LIMK2: variants seen among roughly 807,000 people sequenced by gnomAD.
LIMK2 encodes LIM domain kinase 2.
A neutral mutation model predicts 75.7 loss-of-function variants in LIMK2; 35 were observed. The observed-to-expected ratio is 0.46, with a 90% CI of 0.35 to 0.61. The LOEUF is 0.61. LIMK2 is among the 20% of genes least tolerant of loss of function. The pLI is 0.00. For missense variants in LIMK2, 623 were observed against 831.0 expected (o/e 0.75, Z 3.08); for synonymous variants, 301 against 319.2 (o/e 0.94, Z 0.61).
intron 2 of LIMK2, among the ~76,000 whole-genome samples, chr22:31,246,127 C>T (rs560196413): frequency 2.6e-5 from 4 of 151,104 alleles, no homozygotes; most frequent in African/African-American, 4.9e-5. Context: ...GAGCCAAGAT[C>T]GCGACACTAC....
chr22:31,212,475 T>C lies in LIMK2; in HGVS notation c.16+51T>C, dbSNP rs2048355102. 4 of 1,313,846 alleles carry C rather than the reference T, an allele frequency of 3.0e-6. No individual in the cohort carries two copies. In the Middle Eastern group the frequency reaches 8.1e-4, roughly 267 times the overall value. The allele number at this position is 1,313,846 out of a possible 1,614,324, so 81.4% of individuals were successfully genotyped here. On this transcript the variant is annotated intron_variant, in intron 1 of 15. Coordinates refer to ENST00000331728, the MANE Select transcript of LIMK2 (RefSeq NM_005569.4). ...CCCGCTGTTATCTCCGAAGTCCGGTTCCATGGCGCCTGAGGGAAACCGGCT... is the reference window on the plus strand; with the variant it reads ...CCCGCTGTTATCTCCGAAGTCCGGTCCCATGGCGCCTGAGGGAAACCGGCT...
At chr22:31,263,206 C>T (rs2048858406) in intron 7 of LIMK2, among the ~76,000 whole-genome samples, 1 of 152,070 alleles carries the variant, frequency 6.6e-6, no homozygotes, top group African/African-American at 2.4e-5. Flanking sequence ...ACTTGAGGGA[C>T]CAACAACCCC....
At chr22:31,245,918 A>G (rs928144200) in intron 2 of LIMK2, among the ~76,000 whole-genome samples, 28 of 152,128 alleles carry the variant, frequency 1.8e-4, no homozygotes, top group South Asian at 8.3e-4. Context: ...CACACCTATA[A>G]TCTCAGCACT....
intron 2 of LIMK2, among the ~76,000 whole-genome samples, chr22:31,234,481 G>T (rs1330001386): frequency 6.6e-6 from 1 of 151,394 alleles, no homozygotes; most frequent in Non-Finnish European, 1.5e-5. Flanking sequence ...TCAGCACTTT[G>T]GGAGGCCGAG....
rs1419170850 is a variant in LIMK2, at chr22:31,279,031, T to G, written c.*590T>G. 5 of 151,936 alleles carry G rather than the reference T, an allele frequency of 3.3e-5. No homozygotes were observed. The highest frequency in any genetic ancestry group is 1.2e-4 in the African/African-American group (5 of 41,410). 9.4% of individuals were successfully genotyped at this position (151,936 alleles called of 1,614,324 possible). A position where few individuals can be genotyped will look rare whatever the true frequency, so the allele number is the denominator to read the frequency against. Reference sequence around the variant, plus strand: ...AATATGTGGTGGAACAGGCCAGGAGTTAGAGAAAGGGCTGGCTTCTGTTTA... The same window carrying G: ...AATATGTGGTGGAACAGGCCAGGAGGTAGAGAAAGGGCTGGCTTCTGTTTA... On this transcript the variant is annotated 3_prime_UTR_variant, in exon 16 of 16. Transcript: ENST00000331728.
intron 14 of LIMK2, among the ~76,000 whole-genome samples, chr22:31,274,541 C>T (rs886271826): frequency 5.3e-5 from 8 of 152,112 alleles, no homozygotes; most frequent in Non-Finnish European, 1.2e-4. Context: ...GCTGGGACTA[C>T]AGGTGTGCGC....
intron 8 of LIMK2, 95 bp downstream of exon 8, chr22:31,266,227 A>C: frequency 6.5e-6 from 8 of 1,234,058 alleles, no homozygotes; most frequent in Non-Finnish European, 8.0e-6. Context: ...ACCCCACACC[A>C]TGCAGGATGC....
chr22:31,220,179 G>A (rs2123766213), intron 1 of LIMK2, among the ~76,000 whole-genome samples: 1 of 152,308 alleles, frequency 6.6e-6, no homozygotes, highest in African/African-American at 2.4e-5. Context: ...AAGAGGGTCT[G>A]GGCGTAGGAG....
intron 1 of LIMK2, among the ~76,000 whole-genome samples, chr22:31,215,216 CTG>C: frequency 6.6e-6 from 1 of 152,316 alleles, no homozygotes; most frequent in Admixed American, 6.5e-5. Flanking sequence ...TTCCTCCTCT[CTG>C]TAGCACAAAA....
At chr22:31,250,107 A>T (rs1028706362) in intron 2 of LIMK2, among the ~76,000 whole-genome samples, 1 of 152,090 alleles carries the variant, frequency 6.6e-6, no homozygotes, top group Admixed American at 6.6e-5. Flanking sequence ...AGCAGAGAGT[A>T]AAAAAAGGGA....
intron 2 of LIMK2, among the ~76,000 whole-genome samples, chr22:31,244,732 A>G (rs1200556254): frequency 2.0e-5 from 3 of 152,210 alleles, no homozygotes; most frequent in African/African-American, 7.2e-5. Context: ...AGTTGTAACA[A>G]TAGTCTTAAT....
intron 15 of LIMK2, chr22:31,276,942 C>G (rs1489282145): frequency 6.2e-7 from 1 of 1,613,712 alleles, no homozygotes; most frequent in Admixed American, 1.7e-5. Flanking sequence ...TCACGCGCCT[C>G]TACGACTGCC....
intron 2 of LIMK2, among the ~76,000 whole-genome samples, chr22:31,251,546 A>G (rs1265938662): frequency 6.6e-6 from 1 of 152,196 alleles, no homozygotes; most frequent in Non-Finnish European, 1.5e-5. Flanking sequence ...CTGCAGTACA[A>G]CTACACAAAA....
chr22:31,239,351 C>T (rs2048605450), intron 2 of LIMK2, among the ~76,000 whole-genome samples: 1 of 152,236 alleles, frequency 6.6e-6, no homozygotes, highest in Non-Finnish European at 1.5e-5. Flanking sequence ...GTGCTCTGCC[C>T]CTACTCTCTT....
chr22:31,222,230 C>G (rs973360183), intron 1 of LIMK2, among the ~76,000 whole-genome samples: 2 of 151,798 alleles, frequency 1.3e-5, no homozygotes, highest in African/African-American at 4.8e-5. Context: ...ACCACCATGC[C>G]TGGCTAATTT....
chr22:31,276,456 C>T (rs1356429205), intron 15 of LIMK2, among the ~76,000 whole-genome samples: 1 of 146,862 alleles, frequency 6.8e-6, no homozygotes, highest in African/African-American at 2.5e-5. Context: ...AGCGCTTCGG[C>T]GGCGGCAGCC....
In LIMK2 at chr22:31,267,034, A is replaced by G. The variant is rs980176538; in HGVS notation, c.1092A>G (p.Arg364=). ...TGATGGTCATGAAAGAGTTAATTCG[A>G]TGTGATGAGGAGACCCAGAAAACTT... ...GKVMVMKELI[R]CDEETQKTFL... Residue 364 remains arginine (R), a synonymous_variant, in exon 9 of 16, where the codon CGA becomes CGG. Transcript: ENST00000331728. The G allele has an allele frequency of 1.2e-6, 2 of 1,609,818 alleles. No homozygotes were observed. The highest frequency in any genetic ancestry group is 1.7e-4 in the Middle Eastern group (1 of 6,052).
intron 15 of LIMK2, 89 bp downstream of exon 15, chr22:31,275,397 G>A: frequency 7.4e-7 from 1 of 1,347,040 alleles, no homozygotes; most frequent in Non-Finnish European, 1.0e-6. Flanking sequence ...TGCAAGCACA[G>A]GGGTGAGAGA....
In LIMK2 at chr22:31,273,345, A is replaced by T. The variant is rs138133277; in HGVS notation, c.1559-107A>T. 4.0e-6 allele frequency: 4 copies of T among 1,001,692 alleles called. No homozygotes were observed. The East Asian group carries it at 7.4e-5, about 19-fold the overall frequency. 62.1% of individuals were successfully genotyped at this position (1,001,692 alleles called of 1,614,324 possible). ...ACAGCCTGTGGGGTGTCCCTACAGA[A>T]CCTGTTCTAGCCCTAGTTCTTAGCT... On this transcript the variant is annotated intron_variant, in intron 13 of 15. Transcript: ENST00000331728.
Sources: allele counts gnomAD v4.1 joint callset (sites outside exome capture counted in the v4.1 genomes callset), GRCh38; gene constraint gnomAD v4.1.1; transcripts MANE v1.5; gene names NCBI Gene and HGNC (gene_info 2026-07-23, HGNC 2026-07-21).